NBEA: variants seen among roughly 807,000 people sequenced by gnomAD.
The protein encoded by NBEA is neurobeachin.
In NBEA, 44 loss-of-function variants were observed where a neutral mutation model predicts 343.4. The observed-to-expected ratio is 0.13, with a 90% CI of 0.10 to 0.16. The LOEUF is 0.16. NBEA is among the 10% of genes least tolerant of loss of function. The pLI is 1.00. For missense variants in NBEA, 2,555 were observed against 3,631.3 expected, an observed-to-expected ratio of 0.70 and a Z score of 7.62; for synonymous variants, 1,175 against 1,238.7, an observed-to-expected ratio of 0.95 and a Z score of 1.08.
intron 17 of NBEA, among the ~76,000 whole-genome samples, chr13:35,125,935 G>T (rs2067108732): frequency 6.6e-6 from 1 of 152,104 alleles, no homozygotes; most frequent in African/African-American, 2.4e-5. Context: ...CAGGAGGATT[G>T]CTTGAGCCCA....
At chr13:35,602,457 G>A (rs1014330494) in intron 47 of NBEA, among the ~76,000 whole-genome samples, 1 of 152,064 alleles carries the variant, frequency 6.6e-6, no homozygotes, top group Admixed American at 6.5e-5. Flanking sequence ...TCTGGACTTC[G>A]GGTTCAGAGA....
chr13:35,189,962 G>A (rs1331101521), intron 30 of NBEA, among the ~76,000 whole-genome samples: 1 of 151,992 alleles, frequency 6.6e-6, no homozygotes, highest in Non-Finnish European at 1.5e-5. Context: ...TCAGCTCTGT[G>A]GTAGCTTTGA....
chr13:35,183,956 T>A lies in NBEA; in HGVS notation c.4832-20T>A. 6.3e-7 allele frequency: 1 copy of A among 1,585,168 alleles called. No individual in the cohort carries two copies. Among genetic ancestry groups the A allele is most frequent in the Non-Finnish European group, 8.6e-7 (1 of 1,157,448 alleles). ...TTGTTACATGCTGGCTCAAATTTGATTCCATGATTTTCTCCACAGTTGTGG... is the reference window on the plus strand; with the variant it reads ...TTGTTACATGCTGGCTCAAATTTGAATCCATGATTTTCTCCACAGTTGTGG... On this transcript the variant is annotated intron_variant, in intron 29 of 58. Transcript: ENST00000379939.
chr13:35,512,763 C>T (rs915620644), intron 41 of NBEA, among the ~76,000 whole-genome samples: 1 of 152,166 alleles, frequency 6.6e-6, no homozygotes, highest in Non-Finnish European at 1.5e-5. Context: ...CAGGCCAAAC[C>T]ACGGACTATT....
chr13:35,233,156 A>G (rs566343418), intron 34 of NBEA, among the ~76,000 whole-genome samples: 2 of 152,238 alleles, frequency 1.3e-5, no homozygotes, highest in Admixed American at 1.3e-4. Flanking sequence ...GCTTTGAAAA[A>G]TATGGTTAAT....
At chr13:35,498,604 C>T (rs1381474) in intron 41 of NBEA, among the ~76,000 whole-genome samples, 95,961 of 151,880 alleles carry the variant, frequency 0.63, 30,468 homozygotes, top group Admixed American at 0.7. Context: ...CCAGTCTCTT[C>T]AATAAATTGT....
chr13:35,384,597 C>T (rs548292984), intron 38 of NBEA, among the ~76,000 whole-genome samples: 1 of 145,434 alleles, frequency 6.9e-6, no homozygotes, highest in Non-Finnish European at 1.5e-5. Flanking sequence ...GCGATCTTGG[C>T]TCACTGCAAC....
chr13:35,021,360 AT>A (rs947024826), intron 1 of NBEA, among the ~76,000 whole-genome samples: 9 of 152,186 alleles, frequency 5.9e-5, no homozygotes, highest in Admixed American at 3.9e-4. Flanking sequence ...GACCCTCTGC[AT>A]TTTTTTGTAG....
At chr13:35,473,097 G>A (rs995729048) in intron 41 of NBEA, among the ~76,000 whole-genome samples, 1 of 152,162 alleles carries the variant, frequency 6.6e-6, no homozygotes, top group African/African-American at 2.4e-5. Flanking sequence ...GCACTCAGAT[G>A]TTTAAATATT....
At chr13:35,173,055 C>T (rs533960373) in intron 26 of NBEA, among the ~76,000 whole-genome samples, 10 of 151,968 alleles carry the variant, frequency 6.6e-5, no homozygotes, top group African/African-American at 1.4e-4. Context: ...TCAGTAGAGT[C>T]GACAAGATAG....
At chr13:35,044,899 A>G in intron 2 of NBEA, 48 bp from the exon 3 acceptor site, 1 of 1,439,118 alleles carries the variant, frequency 6.9e-7, no homozygotes, top group Non-Finnish European at 9.6e-7. Context: ...ACCTTGACAG[A>G]TGGCAGCTCA....
At chr13:35,092,751 C>T (rs1276739463) in intron 10 of NBEA, among the ~76,000 whole-genome samples, 5 of 151,940 alleles carry the variant, frequency 3.3e-5, no homozygotes, top group Non-Finnish European at 7.4e-5. Context: ...GGTGGGATTG[C>T]CAAATGGTTC....
chr13:35,647,292 C>T (rs540275397), intron 51 of NBEA, among the ~76,000 whole-genome samples: 44 of 152,098 alleles, frequency 2.9e-4, no homozygotes, highest in Non-Finnish European at 5.7e-4. Context: ...GGTAAAAATG[C>T]GTTCACAAGA....
chr13:35,189,943 T>A (rs187455077), intron 30 of NBEA, among the ~76,000 whole-genome samples: 5 of 152,184 alleles, frequency 3.3e-5, no homozygotes, highest in Non-Finnish European at 5.9e-5. Flanking sequence ...TGTTGCCATC[T>A]ACCTTTCCTC....
At chr13:35,360,578 G>A (rs892174825) in intron 38 of NBEA, among the ~76,000 whole-genome samples, 5 of 151,854 alleles carry the variant, frequency 3.3e-5, no homozygotes, top group African/African-American at 4.8e-5. Flanking sequence ...AGACTTAAAA[G>A]CACCTTTATT....
intron 41 of NBEA, 75 bp from the exon 42 acceptor site, chr13:35,550,402 A>G: frequency 1.3e-6 from 1 of 784,054 alleles, no homozygotes; most frequent in Non-Finnish European, 2.0e-6. Context: ...TCTGACTTTT[A>G]CTAAGTTACT....
chr13:35,346,581 T>C (rs2039890337), intron 36 of NBEA, among the ~76,000 whole-genome samples: 1 of 152,118 alleles, frequency 6.6e-6, no homozygotes, highest in South Asian at 2.1e-4. Context: ...TTGTATTCTT[T>C]TAATAATTTG....
At chr13:35,072,044 T>G (rs2063896066) in intron 10 of NBEA, among the ~76,000 whole-genome samples, 1 of 152,146 alleles carries the variant, frequency 6.6e-6, no homozygotes. Context: ...TCTTAAATAA[T>G]CTAATTGGAA....
At chr13:35,343,267 A>T (rs967217068) in intron 36 of NBEA, among the ~76,000 whole-genome samples, 7 of 152,238 alleles carry the variant, frequency 4.6e-5, no homozygotes, top group East Asian at 1.9e-4. Context: ...TTGATGAAAC[A>T]TCAGGGAGAA....
Sources: gnomAD v4.1 joint callset for allele counts (sites outside exome capture counted in the v4.1 genomes callset) on GRCh38, gnomAD v4.1.1 for gene constraint, MANE v1.5 for transcripts, NCBI Gene and HGNC (gene_info 2026-07-23, HGNC 2026-07-21) for gene names.